The following HS6ST3 variants were observed in gnomAD, a reference collection of about 807,000 sequenced individuals.
HS6ST3 encodes heparan sulfate 6-O-sulfotransferase 3.
Under a neutral mutation model 36.7 loss-of-function variants are expected in HS6ST3, and 12 were observed. That is an observed-to-expected ratio of 0.33 (90% CI 0.21 to 0.53). HS6ST3 has a LOEUF of 0.53. Ranked by LOEUF, HS6ST3 falls within the 20% of genes least tolerant of loss-of-function variation. HS6ST3 has a pLI of 0.95. For missense variants in HS6ST3, 584 were observed against 640.9 expected (o/e 0.91, Z 0.96); for synonymous variants, 240 against 257.5 (o/e 0.93, Z 0.65).
intron 1 of HS6ST3, among the ~76,000 whole-genome samples, chr13:96,324,019 C>A (rs2055017711): frequency 6.6e-6 from 1 of 152,074 alleles, no homozygotes; most frequent in Admixed American, 6.6e-5. Context: ...AGGTGACAAG[C>A]CTCCTATAAA....
intron 1 of HS6ST3, among the ~76,000 whole-genome samples, chr13:96,582,340 A>C (rs1369625543): frequency 6.6e-6 from 1 of 152,074 alleles, no homozygotes; most frequent in Non-Finnish European, 1.5e-5. Context: ...ATCTACACAA[A>C]AGTGGATCTG....
intron 1 of HS6ST3, among the ~76,000 whole-genome samples, chr13:96,322,836 C>T (rs1009387231): frequency 2.6e-5 from 4 of 152,174 alleles, no homozygotes; most frequent in Admixed American, 2.0e-4. Flanking sequence ...TAGCTAAATC[C>T]GATGGTCAGT....
intron 1 of HS6ST3, among the ~76,000 whole-genome samples, chr13:96,457,868 CT>C (rs1318209393): frequency 1.3e-5 from 2 of 151,886 alleles, no homozygotes. Flanking sequence ...CCTTTTTCTT[CT>C]TTTTTTACAA....
intron 1 of HS6ST3, among the ~76,000 whole-genome samples, chr13:96,746,361 TTTAACAAG>T (rs1876561798): frequency 6.6e-6 from 1 of 152,086 alleles, no homozygotes; most frequent in Non-Finnish European, 1.5e-5. Flanking sequence ...TGCTATCTCC[TTTAACAAG>T]TACATAAAAT....
chr13:96,580,217 TATATATATA>T (rs2056336948), intron 1 of HS6ST3, among the ~76,000 whole-genome samples: 2 of 147,730 alleles, frequency 1.4e-5, no homozygotes, highest in African/African-American at 4.9e-5. Flanking sequence ...TATATATATA[TATATATATA>T]TTTATGAAGA....
At chr13:96,182,569 T>A (rs2139340804) in intron 1 of HS6ST3, among the ~76,000 whole-genome samples, 4 of 152,150 alleles carry the variant, frequency 2.6e-5, no homozygotes, top group Middle Eastern at 6.8e-3. Flanking sequence ...CATTTGATGT[T>A]GTATCTGCTG....
intron 1 of HS6ST3, among the ~76,000 whole-genome samples, chr13:96,263,657 A>G (rs1004022166): frequency 1.3e-5 from 2 of 152,228 alleles, no homozygotes; most frequent in East Asian, 1.9e-4. Flanking sequence ...CCCATGATAC[A>G]TAGTTCTTAA....
intron 1 of HS6ST3, among the ~76,000 whole-genome samples, chr13:96,617,932 A>G (rs2056480381): frequency 6.6e-6 from 1 of 152,190 alleles, no homozygotes; most frequent in Non-Finnish European, 1.5e-5. Context: ...ACTAAGAATA[A>G]CATCCCATCT....
intron 1 of HS6ST3, among the ~76,000 whole-genome samples, chr13:96,220,343 C>T (rs1319406118): frequency 1.3e-5 from 2 of 152,144 alleles, no homozygotes; most frequent in Non-Finnish European, 2.9e-5. Context: ...TTTCAAGCAT[C>T]ATTAAAGTTT....
intron 1 of HS6ST3, among the ~76,000 whole-genome samples, chr13:96,345,116 A>G (rs1047443324): frequency 1.3e-5 from 2 of 152,212 alleles, no homozygotes; most frequent in African/African-American, 4.8e-5. Context: ...GAGGGATGCT[A>G]GAGACATTTT....
intron 1 of HS6ST3, among the ~76,000 whole-genome samples, chr13:96,167,096 A>T (rs1245327217): frequency 1.3e-5 from 2 of 152,136 alleles, no homozygotes. Context: ...TGTCTTTATT[A>T]GCAGTGTGAG....
intron 1 of HS6ST3, among the ~76,000 whole-genome samples, chr13:96,473,269 T>G (rs906554630): frequency 6.6e-6 from 1 of 152,200 alleles, no homozygotes; most frequent in Non-Finnish European, 1.5e-5. Context: ...GGTTATTTTC[T>G]TATTGGAAAA....
intron 1 of HS6ST3, among the ~76,000 whole-genome samples, chr13:96,292,150 T>G (rs2054832904): frequency 1.3e-5 from 2 of 152,022 alleles, no homozygotes; most frequent in Non-Finnish European, 2.9e-5. Flanking sequence ...TCTATGTGAG[T>G]GAATTTAGGA....
At chr13:96,737,676 C>T (rs1001900076) in intron 1 of HS6ST3, among the ~76,000 whole-genome samples, 9 of 149,226 alleles carry the variant, frequency 6.0e-5, no homozygotes, top group African/African-American at 1.5e-4. Flanking sequence ...TTTCAAACCA[C>T]GGGCTATTGG....
At chr13:96,315,530 A>C (rs565871167) in intron 1 of HS6ST3, among the ~76,000 whole-genome samples, 14 of 152,282 alleles carry the variant, frequency 9.2e-5, no homozygotes, top group South Asian at 2.1e-4. Context: ...AATGAAAAAA[A>C]AACTAACAAT....
chr13:96,139,567 A>AAAAAAAAAAAAAAAAAAAAT (rs1491242538), intron 1 of HS6ST3, among the ~76,000 whole-genome samples: 5 of 138,696 alleles, frequency 3.6e-5, no homozygotes, highest in African/African-American at 1.4e-4. Context: ...AAAAAAAAAA[A>AAAAAAAAAAAAAAAAAAAAT]TCCATGTATA....
intron 1 of HS6ST3, among the ~76,000 whole-genome samples, chr13:96,446,548 C>T (rs1214531355): frequency 1.3e-5 from 2 of 152,164 alleles, no homozygotes; most frequent in East Asian, 1.9e-4. Context: ...TCCCTCTTCA[C>T]AGGTGTTGTT....
At chr13:96,395,173 A>G (rs1182193931) in intron 1 of HS6ST3, among the ~76,000 whole-genome samples, 1 of 152,188 alleles carries the variant, frequency 6.6e-6, no homozygotes, top group East Asian at 1.9e-4. Context: ...GAGCTGAAAG[A>G]TAAATTATCT....
chr13:96,591,300 A>G (rs1282358072), intron 1 of HS6ST3, among the ~76,000 whole-genome samples: 1 of 151,980 alleles, frequency 6.6e-6, no homozygotes, highest in Non-Finnish European at 1.5e-5. Context: ...GGATATTTTA[A>G]CAATATTTAG....
Sources: gnomAD v4.1 joint callset for allele counts (sites outside exome capture counted in the v4.1 genomes callset) on GRCh38, gnomAD v4.1.1 for gene constraint, MANE v1.5 for transcripts, NCBI Gene and HGNC (gene_info 2026-07-23, HGNC 2026-07-21) for gene names.